FAM135B: variants seen among roughly 807,000 people sequenced by gnomAD.
The protein encoded by FAM135B is family with sequence similarity 135 member B.
In FAM135B, 43 loss-of-function variants were observed where a neutral mutation model predicts 127.7. The ratio of observed to expected loss-of-function variants is 0.34; its 90% CI spans 0.26 to 0.43. FAM135B has a LOEUF of 0.43. Ranked by LOEUF, FAM135B falls within the 20% of genes least tolerant of loss-of-function variation. FAM135B has a pLI of 1.00. For missense variants in FAM135B, 1,558 were observed against 1,725.6 expected (o/e 0.90, Z 1.72); for synonymous variants, 670 against 665.1 (o/e 1.01, Z -0.11).
chr8:138,379,985 T>C (rs897092653), intron 1 of FAM135B, among the ~76,000 whole-genome samples: 14 of 152,060 alleles, frequency 9.2e-5, no homozygotes, highest in Admixed American at 2.0e-4. Context: ...TATCACACCA[T>C]CTAATTTTAA....
At chr8:138,406,732 A>G (rs913971649) in intron 1 of FAM135B, among the ~76,000 whole-genome samples, 1 of 151,288 alleles carries the variant, frequency 6.6e-6, no homozygotes, top group Non-Finnish European at 1.5e-5. Flanking sequence ...AAAACTCTCA[A>G]TAAATTAGGT....
At chr8:138,266,955 T>C (rs984828847) in intron 3 of FAM135B, among the ~76,000 whole-genome samples, 23 of 152,152 alleles carry the variant, frequency 1.5e-4, no homozygotes, top group Admixed American at 6.5e-4. Context: ...TCAATTGTGG[T>C]TACTTTCCTT....
intron 9 of FAM135B, among the ~76,000 whole-genome samples, chr8:138,190,873 C>G (rs1303423469): frequency 6.6e-6 from 1 of 152,140 alleles, no homozygotes; most frequent in African/African-American, 2.4e-5. Flanking sequence ...ATCTGGAAGC[C>G]TTGCTCCCCC....
chr8:138,187,798 T>C (rs761228372), intron 9 of FAM135B, among the ~76,000 whole-genome samples: 1 of 152,194 alleles, frequency 6.6e-6, no homozygotes, highest in Non-Finnish European at 1.5e-5. Context: ...AGCTTTAGGG[T>C]AGAGGCTGTT....
chr8:138,256,712 C>A lies in FAM135B; in HGVS notation c.345G>T (p.Leu115=). The change falls in exon 5 of 20, where the codon CTG becomes CTT. Residue 115 remains leucine, a synonymous_variant. Coordinates refer to ENST00000395297, the MANE Select transcript of FAM135B (RefSeq NM_015912.4). Reference sequence around the variant, plus strand: ...ACTGCTGTTCACTGTCCGTAAAGTGCAGATCCACCTTGAGTTGAAAATCTA... The same window carrying A: ...ACTGCTGTTCACTGTCCGTAAAGTGAAGATCCACCTTGAGTTGAAAATCTA... ...SEVDFQLKVD[L]HFTDSEQQLR... is the part of the protein sequence containing the mutation. The A allele has an allele frequency of 1.2e-6, 2 of 1,613,912 alleles. No individual in the cohort carries two copies. Among genetic ancestry groups the A allele is most frequent in the Non-Finnish European group, 1.7e-6 (2 of 1,179,890 alleles).
At position 138,256,670 on chromosome 8, in the gene FAM135B, T is replaced by C. The variant is rs1294370673; in HGVS notation, c.368+19A>G. The C allele has an allele frequency of 6.2e-7, 1 of 1,609,934 alleles. No homozygotes were observed. Among genetic ancestry groups the C allele is most frequent in the Non-Finnish European group, 8.5e-7 (1 of 1,176,420 alleles). On this transcript the variant is annotated intron_variant, in intron 5 of 19. Transcript: ENST00000395297. ...AGAGCACTGTGCTACTACAATTCAA[T>C]AATTTCCATGACACTCACTGCTGTT... is the stretch of plus-strand genomic sequence containing the variant.
intron 1 of FAM135B, among the ~76,000 whole-genome samples, chr8:138,398,691 G>C (rs755262206): frequency 6.6e-6 from 1 of 152,144 alleles, no homozygotes; most frequent in Non-Finnish European, 1.5e-5. Flanking sequence ...CTCCAAAGAG[G>C]GGGGCATCGA....
chr8:138,132,263 T>G lies in FAM135B; in HGVS notation c.*330A>C. On this transcript the variant is annotated 3_prime_UTR_variant, in exon 20 of 20. Coordinates refer to ENST00000395297, the MANE Select transcript of FAM135B (RefSeq NM_015912.4). The surrounding 1 kb of genome is among the most constrained non-coding windows in gnomAD (Gnocchi z 4.5). ...GGCAAGTCTAGTTAAATTGGAGTAA[T>G]CTCTCAGTAAGCCAGTAGTGGCTAG... The G allele has an allele frequency of 3.6e-6, 1 of 280,132 alleles. No homozygotes were observed. Among genetic ancestry groups the G allele is most frequent in the South Asian group, 4.9e-5 (1 of 20,262 alleles). 17.4% of individuals were successfully genotyped at this position (280,132 alleles called of 1,614,324 possible).
intron 2 of FAM135B, among the ~76,000 whole-genome samples, chr8:138,351,723 T>C (rs1829798881): frequency 7.0e-6 from 1 of 143,740 alleles, no homozygotes; most frequent in African/African-American, 2.6e-5. Context: ...GGAATCTCAC[T>C]CTGTTGCTCA....
chr8:138,201,597 T>C (rs1211963588), intron 7 of FAM135B, among the ~76,000 whole-genome samples: 2 of 152,178 alleles, frequency 1.3e-5, no homozygotes, highest in Non-Finnish European at 1.5e-5. Context: ...GGTGTCAGAG[T>C]GGACGGGCCA....
chr8:138,374,285 G>C (rs1831329368), intron 1 of FAM135B, among the ~76,000 whole-genome samples: 1 of 152,198 alleles, frequency 6.6e-6, no homozygotes, highest in South Asian at 2.1e-4. Flanking sequence ...TTCTGCATCT[G>C]TACTTGGAGG....
At chr8:138,418,508 A>G (rs1349950252) in intron 1 of FAM135B, among the ~76,000 whole-genome samples, 1 of 151,014 alleles carries the variant, frequency 6.6e-6, no homozygotes, top group Non-Finnish European at 1.5e-5. Flanking sequence ...CAGATTCTCC[A>G]AGGTCAACAT....
chr8:138,159,104 C>T (rs941113662), intron 12 of FAM135B, among the ~76,000 whole-genome samples: 3 of 148,392 alleles, frequency 2.0e-5, no homozygotes, highest in African/African-American at 7.5e-5. Flanking sequence ...AACCCCGTCT[C>T]TACTAAAAAT....
chr8:138,383,424 T>G (rs1206941465), intron 1 of FAM135B, among the ~76,000 whole-genome samples: 1 of 152,250 alleles, frequency 6.6e-6, no homozygotes, highest in African/African-American at 2.4e-5. Flanking sequence ...ACAAAGGGAA[T>G]AGATGCATGA....
At chr8:138,278,703 T>C (rs1467720167) in intron 3 of FAM135B, among the ~76,000 whole-genome samples, 5 of 151,638 alleles carry the variant, frequency 3.3e-5, no homozygotes. Flanking sequence ...GCTGGGACTA[T>C]AGGTGCCCAC....
chr8:138,423,302 A>G (rs1329704986), intron 1 of FAM135B, among the ~76,000 whole-genome samples: 4 of 152,190 alleles, frequency 2.6e-5, no homozygotes, highest in Non-Finnish European at 5.9e-5. Context: ...TTTGCTTTCT[A>G]CTTAGGGAGA....
chr8:138,156,996 A>G (rs2130823231), intron 12 of FAM135B, among the ~76,000 whole-genome samples: 1 of 152,324 alleles, frequency 6.6e-6, no homozygotes, highest in South Asian at 2.1e-4. Flanking sequence ...ACATCGAAAA[A>G]AGAGAATTTT....
chr8:138,405,039 A>ATT (rs1833383320), intron 1 of FAM135B, among the ~76,000 whole-genome samples: 1 of 152,168 alleles, frequency 6.6e-6, no homozygotes, highest in African/African-American at 2.4e-5. Context: ...TATTGCAGCT[A>ATT]TAGCCTCACT....
intron 7 of FAM135B, among the ~76,000 whole-genome samples, chr8:138,201,653 G>T (rs143336227): frequency 6.6e-6 from 1 of 152,058 alleles, no homozygotes; most frequent in South Asian, 2.1e-4. Flanking sequence ...AAAACCCTGC[G>T]CCATTTTCCC....
Sources: gnomAD v4.1 joint callset for allele counts (sites outside exome capture counted in the v4.1 genomes callset) on GRCh38, gnomAD v4.1.1 for gene constraint, Gnocchi (gnomAD v3.1) non-coding constraint, MANE v1.5 for transcripts, NCBI Gene and HGNC (gene_info 2026-07-23, HGNC 2026-07-21) for gene names.